The following SUCO variants were observed in gnomAD, a reference collection of about 807,000 sequenced individuals.
SUCO encodes the protein SUN domain containing ossification factor, also known as SUN domain-containing ossification factor.
SUCO carries 57 observed loss-of-function variants against 148.1 expected under a neutral mutation model. That is an observed-to-expected ratio of 0.38 (90% CI 0.31 to 0.48). The LOEUF (loss-of-function observed/expected upper bound fraction) is 0.48. SUCO is among the 20% of genes least tolerant of loss of function. The pLI, the probability that SUCO is intolerant of heterozygous loss-of-function variation, is 0.96. For missense variants in SUCO, 1,331 were observed against 1,468.2 expected (o/e 0.91, Z 1.53); for synonymous variants, 470 against 502.7 (o/e 0.93, Z 0.87).
In SUCO at chr1:172,588,746, A is replaced by G; in HGVS notation, c.1659-14A>G. On this transcript the variant is annotated splice_polypyrimidine_tract_variant and intron_variant, in intron 17 of 23. Transcript: ENST00000263688. Reference sequence around the variant, plus strand: ...TAAGTAAGTGATTTATAATTATGATATATGTATTTCTAGGTATGTAACCAC... The same window carrying G: ...TAAGTAAGTGATTTATAATTATGATGTATGTATTTCTAGGTATGTAACCAC... 7.2e-7 allele frequency: 1 copy of G among 1,398,368 alleles called. No homozygotes were observed. The highest frequency in any genetic ancestry group is 9.4e-7 in the Non-Finnish European group (1 of 1,065,728). The allele number at this position is 1,398,368 out of a possible 1,614,324, so 86.6% of individuals were successfully genotyped here.
At chr1:172,595,185 A>G (rs1315932585) in intron 19 of SUCO, among the ~76,000 whole-genome samples, 3 of 152,156 alleles carry the variant, frequency 2.0e-5, no homozygotes, top group Non-Finnish European at 2.9e-5. Context: ...GTCTCTGCAC[A>G]TGAGATGGGT....
At chr1:172,533,003 C>G (rs1225488899), upstream of SUCO, 2 of 1,417,518 alleles carry the variant, frequency 1.4e-6, no homozygotes, top group Non-Finnish European at 1.8e-6. Context: ...GTGCGGGCGC[C>G]GCGGGACTTG....
At chr1:172,557,845 GT>G (rs1653864008) in intron 6 of SUCO, 51 bp downstream of exon 6, 2 of 1,379,032 alleles carry the variant, frequency 1.5e-6, no homozygotes, top group Non-Finnish European at 2.0e-6. Flanking sequence ...ATGCATTTTT[GT>G]TATTAGCTAA....
chr1:172,537,755 G>T (rs1652130407), intron 1 of SUCO, among the ~76,000 whole-genome samples: 1 of 152,168 alleles, frequency 6.6e-6, no homozygotes, highest in Non-Finnish European at 1.5e-5. Flanking sequence ...GGAAGAGCTT[G>T]ACATTTAAAC....
In SUCO at chr1:172,591,451, C is replaced by T. The variant is rs554104154; in HGVS notation, c.2913+380C>T. Among the ~76,000 whole-genome samples, 424 of 120,910 alleles carry T rather than the reference C, an allele frequency of 3.5e-3. 3 individuals carry two copies. Among genetic ancestry groups the T allele is most frequent in the African/African-American group, 0.011 (369 of 32,224 alleles). The allele number at this position is 120,910 out of a possible 152,430, so 79.3% of individuals were successfully genotyped here. A position where few individuals can be genotyped will look rare whatever the true frequency, so the allele number is the denominator to read the frequency against. On this transcript the variant is annotated intron_variant, in intron 19 of 23. Coordinates refer to ENST00000263688, the MANE Select transcript of SUCO (RefSeq NM_014283.5). ...CCCCTCCCCCCACCCCACAACAGGC[C>T]CTGGTGTGTGATGTTCCCCACCCTG...
chr1:172,578,348 A>G lies in SUCO; in HGVS notation c.1391A>G (p.Gln464Arg). The change falls in exon 14 of 24, where the codon CAG becomes CGG. Residue 464 changes from glutamine to arginine, a missense_variant. Gln to Arg is a conservative substitution (Grantham distance 43, BLOSUM62 1). Transcript: ENST00000263688. The part of the protein sequence containing the change: ...VEEYEEIADS[Q>R]YHSERQELFD... ...GAATATGAAGAAATTGCTGATTCCC[A>G]GTATCACTCAGAACGCCAGGAACTA... The G allele has an allele frequency of 6.2e-7, 1 of 1,612,792 alleles. No homozygotes were observed.
intron 9 of SUCO, among the ~76,000 whole-genome samples, chr1:172,573,171 T>G (rs1655175221): frequency 6.6e-6 from 1 of 152,142 alleles, no homozygotes; most frequent in Middle Eastern, 3.2e-3. Context: ...AACAAACATA[T>G]CCATCATTCC....
upstream of SUCO, chr1:172,532,382 C>T (rs1651645788): frequency 2.1e-6 from 2 of 967,764 alleles, no homozygotes; most frequent in Admixed American, 2.7e-5. Flanking sequence ...CGAAAAGCAA[C>T]GAAGCACACT....
intron 1 of SUCO, among the ~76,000 whole-genome samples, chr1:172,545,149 G>A (rs745645654): frequency 1.2e-4 from 19 of 152,134 alleles, no homozygotes; most frequent in Non-Finnish European, 2.6e-4. Flanking sequence ...AGGAGGAAGA[G>A]ATTTGGAAAA....
chr1:172,594,438 C>T (rs1235529032), intron 19 of SUCO, among the ~76,000 whole-genome samples: 1 of 152,138 alleles, frequency 6.6e-6, no homozygotes, highest in African/African-American at 2.4e-5. Context: ...TTTCCCTGTA[C>T]ACACTGCTTT....
chr1:172,537,200 A>G (rs769194009), intron 1 of SUCO, among the ~76,000 whole-genome samples: 41 of 152,176 alleles, frequency 2.7e-4, no homozygotes, highest in Non-Finnish European at 1.0e-4. Context: ...TTAATTGTCT[A>G]TAAGTTATGT....
intron 19 of SUCO, among the ~76,000 whole-genome samples, chr1:172,596,302 C>T (rs920076223): frequency 6.6e-6 from 1 of 152,230 alleles, no homozygotes; most frequent in Non-Finnish European, 1.5e-5. Flanking sequence ...AAGTCATTCT[C>T]CATCCAGCTT....
chr1:172,556,006 T>G lies in SUCO; in HGVS notation c.426T>G (p.Thr142=). 1 of 1,612,146 alleles carries G rather than the reference T, an allele frequency of 6.2e-7. No homozygotes were observed. Among genetic ancestry groups the G allele is most frequent in the East Asian group, 2.2e-5 (1 of 44,834 alleles). ...CCAGCTCATCTACCTCAGAAATCAC[T>G]CCAATCTCAAAGCTTGAGTAAGTTG... ...NISSSSTSEI[T]PISKLDEIEK... The change falls in exon 4 of 24, where the codon ACT becomes ACG. Residue 142 remains threonine, a synonymous_variant. Coordinates refer to ENST00000263688, the MANE Select transcript of SUCO (RefSeq NM_014283.5).
At position 172,602,145 on chromosome 1, in the gene SUCO, C is replaced by G. The variant is rs992126087; in HGVS notation, c.3100C>G (p.Arg1034Gly). Residue 1034 changes from arginine to glycine, a missense_variant, in exon 21 of 24, where the codon CGA (arginine) becomes GGA (glycine). Arg to Gly is a moderately radical substitution (Grantham distance 125). Transcript: ENST00000263688. Reference sequence around the variant, plus strand: ...ACTGATGCTTTGTATGCAGCGTTGTCGAAATACTTCTCAATTTGATGGAGA... The same window carrying G: ...ACTGATGCTTTGTATGCAGCGTTGTGGAAATACTTCTCAATTTGATGGAGA... ...LGLMLCMQRC[R>G]NTSQFDGDYI... 6.2e-7 allele frequency: 1 copy of G among 1,613,448 alleles called. No individual in the cohort carries two copies. Among genetic ancestry groups the G allele is most frequent in the Admixed American group, 1.7e-5 (1 of 59,966 alleles).
rs757835405 is a variant in SUCO, at chr1:172,609,537, A to G, written c.3322-279A>G. The G allele has an allele frequency of 1.0e-5, 10 of 978,108 alleles. No homozygotes were observed. The Middle Eastern group carries it at 2.1e-3, about 205-fold the overall frequency. 60.6% of individuals were successfully genotyped at this position (978,108 alleles called of 1,614,324 possible). A position where few individuals can be genotyped will look rare whatever the true frequency, so the allele number is the denominator to read the frequency against. On this transcript the variant is annotated intron_variant, in intron 23 of 23. Transcript: ENST00000263688. ...GAAAGCAACCTGTATGCTCTCTGGC[A>G]GTTAGTAGGTATTCAGATATTAGTA...
intron 1 of SUCO, 24 bp from the exon 2 acceptor site, chr1:172,551,488 T>G (rs779387200): frequency 8.6e-6 from 12 of 1,390,226 alleles, no homozygotes; most frequent in Non-Finnish European, 1.2e-5. Context: ...TTTCTGTTTG[T>G]TGGTGGTGGT....
chr1:172,560,281 T>C (rs1207860496), intron 6 of SUCO, among the ~76,000 whole-genome samples: 1 of 152,194 alleles, frequency 6.6e-6, no homozygotes, highest in Non-Finnish European at 1.5e-5. Context: ...GCAGTTTTGA[T>C]AGTTGACCAG....
At position 172,579,190 on chromosome 1, in the gene SUCO, C is replaced by A; in HGVS notation, c.1433-12C>A. On this transcript the variant is annotated splice_polypyrimidine_tract_variant and intron_variant, in intron 14 of 23. Coordinates refer to ENST00000263688, the MANE Select transcript of SUCO (RefSeq NM_014283.5). ...ATCTCAGCATAATTACTTTTATTTT[C>A]GTTTTTAACAGATTATCCACTGGAT... 1 of 1,496,066 alleles carries A rather than the reference C, an allele frequency of 6.7e-7. No homozygotes were observed. The highest frequency in any genetic ancestry group is 1.1e-5 in the South Asian group (1 of 87,054). The allele number at this position is 1,496,066 out of a possible 1,614,324, so 92.7% of individuals were successfully genotyped here.
At chr1:172,566,633 T>G (rs1428099310) in intron 6 of SUCO, among the ~76,000 whole-genome samples, 1 of 152,266 alleles carries the variant, frequency 6.6e-6, no homozygotes, top group Non-Finnish European at 1.5e-5. Flanking sequence ...GAGCAGCAGC[T>G]CAGAGGCAGT....
Sources: allele counts gnomAD v4.1 joint callset (sites outside exome capture counted in the v4.1 genomes callset), GRCh38; gene constraint gnomAD v4.1.1; transcripts MANE v1.5; gene names NCBI Gene and HGNC (gene_info 2026-07-23, HGNC 2026-07-21).